RPS6KC1: variants seen among roughly 807,000 people sequenced by gnomAD.
The protein encoded by RPS6KC1 is inactive ribosomal protein S6 kinase delta-1.
In RPS6KC1, 54 loss-of-function variants were observed where a neutral mutation model predicts 103.8. The ratio of observed to expected loss-of-function variants is 0.52; its 90% confidence interval spans 0.42 to 0.65. The LOEUF is 0.65. Among genes scored for constraint, RPS6KC1 ranks in the 30% least tolerant of loss-of-function variants. The probability of loss-of-function intolerance (pLI) is 0.00; values close to 1 mark genes in which losing one functional copy is unlikely to be tolerated. For synonymous variants in RPS6KC1, 439 were observed against 438.7 expected (o/e 1.00, Z -0.01); for missense variants, 1,151 against 1,253.8 (o/e 0.92, Z 1.24).
At chr1:213,308,862 T>G in the RPS6KC1 span, among the ~76,000 whole-genome samples, 1 of 152,126 alleles carries the variant, frequency 6.6e-6, no homozygotes, top group African/African-American at 2.4e-5. Flanking sequence ...AAAATGTAAA[T>G]GGATGAAAAA....
chr1:213,127,645 T>TC (rs1274835659), intron 5 of RPS6KC1, among the ~76,000 whole-genome samples: 1 of 152,204 alleles, frequency 6.6e-6, no homozygotes, highest in Non-Finnish European at 1.5e-5. Context: ...AGCTGACACT[T>TC]CAAGGAAAAC....
the RPS6KC1 span, among the ~76,000 whole-genome samples, chr1:213,602,178 CTTT>C: frequency 4.8e-5 from 5 of 103,220 alleles, no homozygotes; most frequent in African/African-American, 2.0e-4. Flanking sequence ...TTCTTTCTTT[CTTT>C]CTTTCTTTTT....
At chr1:213,634,476 A>G in the RPS6KC1 span, among the ~76,000 whole-genome samples, 6 of 152,244 alleles carry the variant, frequency 3.9e-5, no homozygotes, top group Non-Finnish European at 5.9e-5. Context: ...CTCCTGAATG[A>G]CTATTGGGTA....
chr1:213,399,506 A>T, the RPS6KC1 span, among the ~76,000 whole-genome samples: 4 of 152,068 alleles, frequency 2.6e-5, no homozygotes, highest in African/African-American at 9.7e-5. Flanking sequence ...AAGGAGGTGA[A>T]TGTTGACTCC....
chr1:213,617,183 T>C, the RPS6KC1 span, among the ~76,000 whole-genome samples: 1 of 152,204 alleles, frequency 6.6e-6, no homozygotes, highest in Non-Finnish European at 1.5e-5. Flanking sequence ...CCCAGGGCTA[T>C]GTCACATGGG....
rs527858433 is a variant in RPS6KC1 at position 213,163,676 on chromosome 1, AT to A, written c.836-4170del. On this transcript the variant is annotated intron_variant, in intron 6 of 14. Coordinates refer to ENST00000366960, the MANE Select transcript of RPS6KC1 (RefSeq NM_012424.6). Reference sequence around the variant, plus strand: ...GTTCCATGAGTAAAAATGCCTCTTGATTTTTTTTTTTTAAATGGGCAAATGA... The same window carrying A: ...GTTCCATGAGTAAAAATGCCTCTTGATTTTTTTTTTTAAATGGGCAAATGA... Among the ~76,000 whole-genome samples the A allele has an allele frequency of 9.0e-3, 1,323 of 147,086 alleles. 9 individuals carry two copies. The highest frequency in any genetic ancestry group is 0.011 in the Non-Finnish European group (716 of 66,268).
chr1:213,804,113 T>TA, the RPS6KC1 span, among the ~76,000 whole-genome samples: 1 of 41,704 alleles, frequency 2.4e-5, no homozygotes, highest in Non-Finnish European at 4.9e-5. Context: ...AGTATAATAA[T>TA]AAAAAAAAAT....
At chr1:213,259,720 GTGT>G (rs1296565133) in intron 12 of RPS6KC1, among the ~76,000 whole-genome samples, 2 of 147,188 alleles carry the variant, frequency 1.4e-5, no homozygotes, top group African/African-American at 4.9e-5. Flanking sequence ...GTATATGTAG[GTGT>G]TGTTTTTTTA....
chr1:213,650,494 G>A, the RPS6KC1 span, among the ~76,000 whole-genome samples: 1 of 152,130 alleles, frequency 6.6e-6, no homozygotes, highest in African/African-American at 2.4e-5. Flanking sequence ...ACACACTCAG[G>A]GAAAGAAATC....
intron 5 of RPS6KC1, among the ~76,000 whole-genome samples, chr1:213,124,212 C>T (rs544381317): frequency 4.6e-5 from 7 of 152,140 alleles, no homozygotes; most frequent in Non-Finnish European, 8.8e-5. Context: ...TGACTTTTTC[C>T]CCTTGTATCA....
chr1:213,768,155 C>T, the RPS6KC1 span, among the ~76,000 whole-genome samples: 1 of 152,126 alleles, frequency 6.6e-6, no homozygotes, highest in Non-Finnish European at 1.5e-5. Context: ...ATTTCCCTTT[C>T]ATGTGGCAAA....
chr1:213,162,177 C>T (rs1009805955), intron 6 of RPS6KC1, among the ~76,000 whole-genome samples: 2 of 152,090 alleles, frequency 1.3e-5, no homozygotes, highest in Non-Finnish European at 2.9e-5. Context: ...AGCCATTTGA[C>T]TTTAGAACAT....
At chr1:213,776,813 C>G in the RPS6KC1 span, among the ~76,000 whole-genome samples, 5 of 152,220 alleles carry the variant, frequency 3.3e-5, no homozygotes, top group Non-Finnish European at 5.9e-5. Context: ...TATTGAAAAT[C>G]TGTTGCTTAG....
At chr1:213,551,836 A>C in the RPS6KC1 span, among the ~76,000 whole-genome samples, 5 of 152,182 alleles carry the variant, frequency 3.3e-5, no homozygotes, top group South Asian at 1.0e-3. Context: ...TTGCTCAAAA[A>C]TTCCTCTGTG....
At chr1:213,586,247 G>A in the RPS6KC1 span, among the ~76,000 whole-genome samples, 1 of 152,198 alleles carries the variant, frequency 6.6e-6, no homozygotes, top group Non-Finnish European at 1.5e-5. Flanking sequence ...GATGACTGAT[G>A]TCTTTTTTAA....
chr1:213,304,823 G>A, the RPS6KC1 span, among the ~76,000 whole-genome samples: 1 of 152,184 alleles, frequency 6.6e-6, no homozygotes, highest in Non-Finnish European at 1.5e-5. Context: ...ATATAGGCGT[G>A]AGCCAGCATG....
At chr1:213,599,478 A>G in the RPS6KC1 span, among the ~76,000 whole-genome samples, 95,647 of 150,218 alleles carry the variant, frequency 0.64, 31,941 homozygotes, top group South Asian at 0.76. Flanking sequence ...GAGGGGGGGA[A>G]AAACATTCAT....
chr1:213,237,272 T>G (rs1052484453), intron 10 of RPS6KC1, among the ~76,000 whole-genome samples: 1 of 152,146 alleles, frequency 6.6e-6, no homozygotes, highest in Non-Finnish European at 1.5e-5. Flanking sequence ...TCACCATTAC[T>G]AGTGTGACTT....
the RPS6KC1 span, among the ~76,000 whole-genome samples, chr1:213,600,617 C>A: frequency 6.6e-6 from 1 of 152,102 alleles, no homozygotes; most frequent in East Asian, 1.9e-4. Context: ...AGGGAGGGAG[C>A]AAAGCTGGAG....
Sources: allele counts gnomAD v4.1 joint callset (sites outside exome capture counted in the v4.1 genomes callset), GRCh38; gene constraint gnomAD v4.1.1; transcripts MANE v1.5; gene names NCBI Gene and HGNC (gene_info 2026-07-23, HGNC 2026-07-21).